CDON: variants seen among roughly 807,000 people sequenced by gnomAD.
The protein encoded by CDON is cell adhesion associated, oncogene regulated.
Under a neutral mutation model 120.9 loss-of-function variants are expected in CDON, and 73 were observed. That is an observed-to-expected ratio of 0.60 (90% confidence interval 0.50 to 0.73). The LOEUF is 0.73. Ranked by LOEUF, CDON falls within the 30% of genes least tolerant of loss-of-function variation. CDON has a pLI of 0.00. For synonymous variants in CDON, 566 were observed against 573.5 expected (o/e 0.99, Z 0.19); for missense variants, 1,470 against 1,587.3 (o/e 0.93, Z 1.26).
Position 125,961,642 on chromosome 11 carries a change from C to T in CDON, c.3631+82G>A, listed in dbSNP as rs564729329. The T allele has an allele frequency of 9.4e-6, 15 of 1,588,150 alleles. No individual in the cohort carries two copies. The East Asian group carries it at 3.4e-4, about 36-fold the overall frequency. On this transcript the variant is annotated intron_variant, in intron 19 of 19. Coordinates refer to ENST00000531738, the MANE Select transcript of CDON (RefSeq NM_001378964.1). ...GTAAACTAATCATAGAGGGGAAACT[C>T]TGAAAGCATCACCTTCCCATACACA...
chr11:126,023,605 G>A, intron 1 of CDON, 68 bp from the exon 2 acceptor site: 1 of 751,544 alleles, frequency 1.3e-6, no homozygotes, highest in Non-Finnish European at 2.4e-6. Flanking sequence ...GGAGCTGTGA[G>A]CATGACGGCT....
chr11:125,975,361 G>T (rs1565496594), intron 18 of CDON, among the ~76,000 whole-genome samples: 1 of 152,074 alleles, frequency 6.6e-6, no homozygotes, highest in African/African-American at 2.4e-5. Context: ...CCCAGTACAT[G>T]ACAGGCACTC....
intron 8 of CDON, among the ~76,000 whole-genome samples, chr11:126,009,828 T>C (rs534538664): frequency 3.6e-4 from 55 of 152,266 alleles, no homozygotes; most frequent in South Asian, 8.3e-4. Context: ...AAATCATATA[T>C]AGTTTTTAAG....
intron 3 of CDON, among the ~76,000 whole-genome samples, chr11:126,020,139 T>TTCA (rs1464345844): frequency 2.6e-5 from 4 of 152,184 alleles, no homozygotes; most frequent in Non-Finnish European, 5.9e-5. Flanking sequence ...GGCACCCTTT[T>TTCA]TCATAAGTCA....
At chr11:125,968,778 G>A (rs1043286981) in intron 18 of CDON, among the ~76,000 whole-genome samples, 3 of 152,108 alleles carry the variant, frequency 2.0e-5, no homozygotes, top group African/African-American at 4.8e-5. Flanking sequence ...CTAGTACACT[G>A]AATCTTAACT....
In CDON at chr11:125,960,955, G is replaced by A. The variant is rs1435296298; in HGVS notation, c.3782C>T (p.Pro1261Leu). ...GTTTGCATGTCCTCAGGTTTCCCGG[G>A]GCTGCTGAAGGACCTCTGTCGGGCT... ...LDSPTEVLQQPRET is the reference protein window; with the variant it reads ...LDSPTEVLQQLRET The change falls in exon 20 of 20, where the codon CCC becomes CTC. Residue 1261 changes from proline to leucine, a missense_variant. Physicochemically the swap from Pro to Leu is moderately conservative, Grantham distance 98. Coordinates refer to ENST00000531738, the MANE Select transcript of CDON (RefSeq NM_001378964.1). The A allele has an allele frequency of 3.7e-6, 6 of 1,614,064 alleles. No homozygotes were observed. In the South Asian group the frequency reaches 4.4e-5, roughly 12 times the overall value.
chr11:126,015,131 T>G, intron 7 of CDON, 110 bp downstream of exon 7: 1 of 1,038,368 alleles, frequency 9.6e-7, no homozygotes, highest in Non-Finnish European at 1.5e-6. Context: ...ACCGTTCTTG[T>G]ACGGTGCTAG....
chr11:125,991,145 T>A (rs916455949), intron 14 of CDON, among the ~76,000 whole-genome samples: 2 of 152,238 alleles, frequency 1.3e-5, no homozygotes, highest in Admixed American at 6.5e-5. Flanking sequence ...GCTTCTGATA[T>A]GTTACTAAGA....
rs146716771 is a variant in CDON, at chr11:125,999,416, T to C, written c.2159-2006A>G. On this transcript the variant is annotated intron_variant, in intron 11 of 19. Coordinates refer to ENST00000531738, the MANE Select transcript of CDON (RefSeq NM_001378964.1). ...TGGGTAGCAAGCCGTTTCTCCACTTTCTGGACGATCTGAGGCATCGTGCAT... is the reference window on the plus strand; with the variant it reads ...TGGGTAGCAAGCCGTTTCTCCACTTCCTGGACGATCTGAGGCATCGTGCAT... Among the ~76,000 whole-genome samples, 271 of 152,340 alleles carry C rather than the reference T, an allele frequency of 1.8e-3. 2 individuals carry two copies. Among genetic ancestry groups the C allele is most frequent in the African/African-American group, 5.5e-3 (230 of 41,566 alleles).
Position 125,959,162 on chromosome 11 carries a change from G to A in CDON, c.*1780C>T, listed in dbSNP as rs1438466839. On this transcript the variant is annotated 3_prime_UTR_variant, in exon 20 of 20. Coordinates refer to ENST00000531738, the MANE Select transcript of CDON (RefSeq NM_001378964.1). ...TTGCATAGTGACCCAGCTTAAACAA[G>A]CACATTTTCACTAACAGTTCTATTA... The A allele has an allele frequency of 3.9e-5, 6 of 152,108 alleles. No individual in the cohort carries two copies. The highest frequency in any genetic ancestry group is 8.8e-5 in the Non-Finnish European group (6 of 68,028). 9.4% of individuals were successfully genotyped at this position (152,108 alleles called of 1,614,324 possible).
intron 1 of CDON, among the ~76,000 whole-genome samples, chr11:126,050,930 A>C (rs1948543078): frequency 6.6e-6 from 1 of 152,212 alleles, no homozygotes; most frequent in African/African-American, 2.4e-5. Context: ...CATTCACTCT[A>C]GGTGAATCGG....
In CDON at chr11:125,960,979, C is replaced by A; in HGVS notation, c.3758G>T (p.Ser1253Ile). Residue 1253 changes from serine to isoleucine, a missense_variant, in exon 20 of 20, where the codon AGC becomes ATC. Transcript: ENST00000531738. ...MWSPPGIPLD[S>I]PTEVLQQPRE... is the part of the protein sequence containing the mutation. The stretch of plus-strand genomic sequence containing the variant: ...GGGCTGCTGAAGGACCTCTGTCGGG[C>A]TGTCTAAAGGAATGCCAGGTGGAGA... The A allele has an allele frequency of 6.2e-7, 1 of 1,614,200 alleles. No homozygotes were observed. Among genetic ancestry groups the A allele is most frequent in the Non-Finnish European group, 8.5e-7 (1 of 1,180,036 alleles).
At chr11:125,979,026 C>A (rs920946485) in intron 17 of CDON, among the ~76,000 whole-genome samples, 9 of 152,072 alleles carry the variant, frequency 5.9e-5, no homozygotes, top group Non-Finnish European at 1.0e-4. Context: ...TTAACACATA[C>A]CTCATTGTAA....
At chr11:126,031,995 T>C (rs1033402260) in intron 1 of CDON, among the ~76,000 whole-genome samples, 2 of 152,240 alleles carry the variant, frequency 1.3e-5, no homozygotes, top group African/African-American at 2.4e-5. Flanking sequence ...CACTGCTCCA[T>C]TGACATGTTT....
intron 1 of CDON, among the ~76,000 whole-genome samples, chr11:126,045,138 G>A (rs1948370737): frequency 6.6e-6 from 1 of 152,176 alleles, no homozygotes; most frequent in African/African-American, 2.4e-5. Context: ...CGATTCTCCT[G>A]CCTCAGCCTC....
chr11:125,972,778 G>A, intron 18 of CDON, among the ~76,000 whole-genome samples: 1 of 152,168 alleles, frequency 6.6e-6, no homozygotes, highest in Non-Finnish European at 1.5e-5. Context: ...GCACAGAGCA[G>A]GTAAGAGTCC....
intron 15 of CDON, among the ~76,000 whole-genome samples, chr11:125,986,216 A>G (rs113093090): frequency 0.031 from 4,748 of 152,208 alleles, 272 homozygotes; most frequent in African/African-American, 0.11. Flanking sequence ...CAAACACTGC[A>G]TGTTCTCACT....
In CDON at chr11:126,031,129, A is replaced by C. The variant is rs184402646; in HGVS notation, c.-61-7592T>G. Among the ~76,000 whole-genome samples the C allele has an allele frequency of 1.3e-4, 20 of 152,346 alleles. No homozygotes were observed. In the East Asian group the frequency reaches 3.1e-3, roughly 23 times the overall value. On this transcript the variant is annotated intron_variant, in intron 1 of 19. Transcript: ENST00000531738. ...GAAAGAGTTCAAAGCAGAGGAATTC[A>C]TCTTTTATTCAGTAAATACTTGGTG...
intron 16 of CDON, among the ~76,000 whole-genome samples, chr11:125,983,664 T>A (rs519781): frequency 4.6e-5 from 7 of 152,002 alleles, no homozygotes; most frequent in African/African-American, 1.7e-4. Context: ...TTGGTGTTTA[T>A]GTCTGCTGGG....
Sources: gnomAD v4.1 joint callset for allele counts (sites outside exome capture counted in the v4.1 genomes callset) on GRCh38, gnomAD v4.1.1 for gene constraint, MANE v1.5 for transcripts, NCBI Gene and HGNC (gene_info 2026-07-23, HGNC 2026-07-21) for gene names.